The following PRORP variants were observed in gnomAD, a reference collection of about 807,000 sequenced individuals.
PRORP encodes mitochondrial ribonuclease P catalytic subunit.
A neutral mutation model predicts 59.4 loss-of-function variants in PRORP; 51 were observed. The observed-to-expected ratio is 0.86, with a 90% CI of 0.69 to 1.08. The LOEUF (loss-of-function observed/expected upper bound fraction) is 1.08. Ranked by LOEUF, PRORP falls within the 50% of genes least tolerant of loss-of-function variation. The pLI is 0.00. For missense variants in PRORP, 646 were observed against 690.3 expected (o/e 0.94, Z 0.72); for synonymous variants, 231 against 245.6 (o/e 0.94, Z 0.55).
chr14:35,136,364 G>T (rs1566448548), intron 4 of PRORP, among the ~76,000 whole-genome samples: 2 of 150,994 alleles, frequency 1.3e-5, no homozygotes, highest in South Asian at 2.1e-4. Flanking sequence ...CCGACAACGG[G>T]TTTTTTTGTT....
chr14:35,214,982 A>T (rs536461125), intron 5 of PRORP, among the ~76,000 whole-genome samples: 1 of 151,246 alleles, frequency 6.6e-6, no homozygotes, highest in South Asian at 2.1e-4. Flanking sequence ...TTGGGAAAGC[A>T]TTTTTTTTTA....
intron 4 of PRORP, among the ~76,000 whole-genome samples, chr14:35,146,019 AGG>A (rs1377948649): frequency 6.6e-6 from 1 of 151,526 alleles, no homozygotes; most frequent in Non-Finnish European, 1.5e-5. Flanking sequence ...TTAGTAAAGA[AGG>A]GGTTTCACCA....
At position 35,123,187 on chromosome 14, in the gene PRORP, C is replaced by T; in HGVS notation, c.-59C>T. ...CGACCCCCAATCTCTTTAATTTTGCCATAGAAGAGGGGTTTTTTCAACATC... is the reference window on the plus strand; with the variant it reads ...CGACCCCCAATCTCTTTAATTTTGCTATAGAAGAGGGGTTTTTTCAACATC... On this transcript the variant is annotated 5_prime_UTR_variant, in exon 2 of 8. Coordinates refer to ENST00000534898, the MANE Select transcript of PRORP (RefSeq NM_014672.4). 6.5e-7 allele frequency: 1 copy of T among 1,528,788 alleles called. No homozygotes were observed. Among genetic ancestry groups the T allele is most frequent in the Non-Finnish European group, 8.8e-7 (1 of 1,138,942 alleles). The allele number at this position is 1,528,788 out of a possible 1,614,324, so 94.7% of individuals were successfully genotyped here. A position where few individuals can be genotyped will look rare whatever the true frequency, so the allele number is the denominator to read the frequency against.
chr14:35,179,239 G>A (rs186351596), intron 4 of PRORP, among the ~76,000 whole-genome samples: 2 of 152,124 alleles, frequency 1.3e-5, no homozygotes, highest in African/African-American at 4.8e-5. Flanking sequence ...TCTTCTTGAG[G>A]AGTATCTTTG....
Position 35,256,326 on chromosome 14 carries a change from CT to C in PRORP, c.1276-10378del, listed in dbSNP as rs1178856754. ...AAAAGAAAAAAGAAATTGTGCGTAT[CT>C]TTTTTTTTTTTTTTTTTTTTTTAAG... is the stretch of plus-strand genomic sequence containing the variant. On this transcript the variant is annotated intron_variant, in intron 5 of 7. Transcript: ENST00000534898. Among the ~76,000 whole-genome samples, 514 of 82,808 alleles carry C rather than the reference CT, an allele frequency of 6.2e-3. 4 individuals are homozygous for C. Among genetic ancestry groups the C allele is most frequent in the Non-Finnish European group, 7.3e-3 (338 of 46,404 alleles). 54.3% of individuals were successfully genotyped at this position (82,808 alleles called of 152,430 possible).
chr14:35,173,030 G>A (rs2048360473), intron 4 of PRORP, among the ~76,000 whole-genome samples: 2 of 151,880 alleles, frequency 1.3e-5, no homozygotes, highest in African/African-American at 4.8e-5. Flanking sequence ...ACCATGCCTG[G>A]ATAATTTTTA....
chr14:35,248,373 A>G (rs2050534405), intron 5 of PRORP, among the ~76,000 whole-genome samples: 1 of 152,206 alleles, frequency 6.6e-6, no homozygotes, highest in South Asian at 2.1e-4. Flanking sequence ...CTCTGGATAC[A>G]CCACCAGACT....
intron 5 of PRORP, among the ~76,000 whole-genome samples, chr14:35,221,611 C>T (rs1352418878): frequency 6.6e-6 from 1 of 152,170 alleles, no homozygotes; most frequent in Admixed American, 6.6e-5. Flanking sequence ...AACACAAAAT[C>T]TATGCTTGGC....
chr14:35,200,208 T>A (rs1392012139), intron 5 of PRORP, among the ~76,000 whole-genome samples: 3 of 152,156 alleles, frequency 2.0e-5, no homozygotes, highest in Non-Finnish European at 4.4e-5. Flanking sequence ...GTTTTTTTCT[T>A]TTGAGACAGA....
At chr14:35,130,197 A>AT (rs1296807165) in intron 4 of PRORP, among the ~76,000 whole-genome samples, 2 of 151,448 alleles carry the variant, frequency 1.3e-5, no homozygotes, top group African/African-American at 2.4e-5. Context: ...TGCCCGGCTA[A>AT]TTTTTTTGTA....
intron 5 of PRORP, among the ~76,000 whole-genome samples, chr14:35,202,227 A>AT (rs2139133107): frequency 6.6e-6 from 1 of 152,230 alleles, no homozygotes; most frequent in South Asian, 2.1e-4. Flanking sequence ...AAGTGCTGAG[A>AT]TTACAGGCAT....
chr14:35,123,321 C>G lies in PRORP; in HGVS notation c.76C>G (p.His26Asp). 1.2e-6 allele frequency: 2 copies of G among 1,613,982 alleles called. No homozygotes were observed. Among genetic ancestry groups the G allele is most frequent in the Non-Finnish European group, 1.7e-6 (2 of 1,180,038 alleles). The change falls in exon 2 of 8, where the codon CAC becomes GAC. Residue 26 changes from histidine to aspartate, a missense_variant. Coordinates refer to ENST00000534898, the MANE Select transcript of PRORP (RefSeq NM_014672.4). Reference sequence around the variant, plus strand: ...CCCATACCTTGGGCTAGGCCCAGGGCACTCTTATGTCTCGCTGTTTCTGGC... The same window carrying G: ...CCCATACCTTGGGCTAGGCCCAGGGGACTCTTATGTCTCGCTGTTTCTGGC... ...KSPYLGLGPG[H>D]SYVSLFLADR...
intron 5 of PRORP, among the ~76,000 whole-genome samples, chr14:35,264,590 A>G (rs1315060383): frequency 6.6e-6 from 1 of 152,206 alleles, no homozygotes; most frequent in Admixed American, 6.5e-5. Flanking sequence ...ACTAATAATT[A>G]GGGATAAAAA....
intron 5 of PRORP, chr14:35,262,400 T>C (rs1378892106): frequency 2.9e-6 from 1 of 350,276 alleles, no homozygotes; most frequent in Non-Finnish European, 5.5e-6. Flanking sequence ...TTAAAATAGC[T>C]TATAAGATTA....
At chr14:35,125,480 T>A (rs929414171) in intron 2 of PRORP, among the ~76,000 whole-genome samples, 2 of 152,198 alleles carry the variant, frequency 1.3e-5, no homozygotes, top group African/African-American at 4.8e-5. Flanking sequence ...GGACTCAAAC[T>A]CTTGGCCTCA....
chr14:35,239,783 T>C (rs191402125), intron 5 of PRORP, among the ~76,000 whole-genome samples: 1 of 152,168 alleles, frequency 6.6e-6, no homozygotes, highest in Admixed American at 6.5e-5. Flanking sequence ...TAGAATAAAT[T>C]AGAAAAGTTG....
At chr14:35,154,464 G>GT (rs1412143585) in intron 4 of PRORP, among the ~76,000 whole-genome samples, 1 of 152,078 alleles carries the variant, frequency 6.6e-6, no homozygotes, top group African/African-American at 2.4e-5. Flanking sequence ...AATTTGGCTC[G>GT]TGGTTCTTCA....
At chr14:35,198,691 G>A (rs1271643581) in intron 5 of PRORP, among the ~76,000 whole-genome samples, 2 of 152,224 alleles carry the variant, frequency 1.3e-5, no homozygotes, top group African/African-American at 2.4e-5. Context: ...CTCTGAAGAG[G>A]TACTTATGTA....
At chr14:35,195,143 C>G (rs2048977701) in intron 5 of PRORP, among the ~76,000 whole-genome samples, 1 of 151,964 alleles carries the variant, frequency 6.6e-6, no homozygotes, top group Non-Finnish European at 1.5e-5. Context: ...TCTTTTATGC[C>G]ATACGTGGGA....
Sources: gnomAD v4.1 joint callset for allele counts (sites outside exome capture counted in the v4.1 genomes callset) on GRCh38, gnomAD v4.1.1 for gene constraint, MANE v1.5 for transcripts, NCBI Gene and HGNC (gene_info 2026-07-23, HGNC 2026-07-21) for gene names.